Variants in PCDHA12 observed in about 807,000 individuals in gnomAD.
PCDHA12 encodes the protein protocadherin alpha-12.
Under a neutral mutation model 60.0 loss-of-function variants are expected in PCDHA12, and 44 were observed. That is an observed-to-expected ratio of 0.73 (90% CI 0.58 to 0.94). The LOEUF is 0.94. PCDHA12 is among the 40% of genes least tolerant of loss of function. The pLI, the probability that PCDHA12 is intolerant of heterozygous loss-of-function variation, is 0.00. For missense variants in PCDHA12, 1,276 were observed against 1,239.7 expected (o/e 1.03, Z -0.44); for synonymous variants, 569 against 553.0 (o/e 1.03, Z -0.40).
intron 1 of PCDHA12, among the ~76,000 whole-genome samples, chr5:140,955,006 C>G (rs1304080416): frequency 6.6e-6 from 1 of 152,154 alleles, no homozygotes; most frequent in African/African-American, 2.4e-5. Flanking sequence ...AGCCAATTCT[C>G]CCAGCACCAT....
intron 1 of PCDHA12, among the ~76,000 whole-genome samples, chr5:140,917,333 G>C (rs1301739777): frequency 6.7e-5 from 10 of 148,748 alleles, no homozygotes; most frequent in East Asian, 2.0e-4. Flanking sequence ...GCGGGGGAGG[G>C]GGGGGATGGT....
chr5:140,903,840 T>C (rs2070655374), intron 1 of PCDHA12, among the ~76,000 whole-genome samples: 1 of 152,196 alleles, frequency 6.6e-6, no homozygotes, highest in African/African-American at 2.4e-5. Flanking sequence ...GGTATTTTCA[T>C]TTATCTTAAC....
At chr5:140,946,610 A>AT (rs2093970425) in intron 1 of PCDHA12, among the ~76,000 whole-genome samples, 1 of 119,932 alleles carries the variant, frequency 8.3e-6, no homozygotes, top group African/African-American at 3.4e-5. Flanking sequence ...AGAAAATGTG[A>AT]AATATATATA....
intron 1 of PCDHA12, among the ~76,000 whole-genome samples, chr5:140,911,201 C>G: frequency 6.6e-6 from 1 of 152,110 alleles, no homozygotes; most frequent in Non-Finnish European, 1.5e-5. Context: ...GACATGTTGC[C>G]ACTACTGGGG....
intron 3 of PCDHA12, among the ~76,000 whole-genome samples, chr5:140,993,652 T>C (rs1174007185): frequency 6.6e-6 from 1 of 152,172 alleles, no homozygotes; most frequent in Admixed American, 6.5e-5. Flanking sequence ...AATGACACTT[T>C]GGTTAACAAT....
At chr5:140,951,523 G>A (rs868992487) in intron 1 of PCDHA12, among the ~76,000 whole-genome samples, 1 of 151,994 alleles carries the variant, frequency 6.6e-6, no homozygotes, top group Non-Finnish European at 1.5e-5. Context: ...ATCTTACATG[G>A]CCGGTGCAGG....
At chr5:140,941,319 CTTT>C (rs70988781) in intron 1 of PCDHA12, among the ~76,000 whole-genome samples, 1 of 104,392 alleles carries the variant, frequency 9.6e-6, no homozygotes. Flanking sequence ...TCTTCTTTCT[CTTT>C]TTTTTTTTTT....
intron 1 of PCDHA12, chr5:140,884,248 G>A: frequency 1.2e-6 from 2 of 1,613,458 alleles, no homozygotes; most frequent in Non-Finnish European, 1.7e-6. Flanking sequence ...CCGCGCTGAC[G>A]GCCACGGCAA....
chr5:140,923,139 A>G (rs1213586565), intron 1 of PCDHA12, among the ~76,000 whole-genome samples: 3 of 152,188 alleles, frequency 2.0e-5, no homozygotes, highest in Non-Finnish European at 2.9e-5. Context: ...TGAAGGTGGA[A>G]TATAAAAAAA....
intron 1 of PCDHA12, chr5:140,928,243 G>A: frequency 6.2e-7 from 1 of 1,614,202 alleles, no homozygotes; most frequent in South Asian, 1.1e-5. Flanking sequence ...ACCCCAGCAG[G>A]AACTTTTCGT....
At chr5:140,919,176 C>A (rs2079027921) in intron 1 of PCDHA12, among the ~76,000 whole-genome samples, 2 of 152,184 alleles carry the variant, frequency 1.3e-5, no homozygotes, top group Non-Finnish European at 1.5e-5. Flanking sequence ...GTTGCTATAT[C>A]TTCCTGATTG....
intron 1 of PCDHA12, among the ~76,000 whole-genome samples, chr5:140,901,492 C>T (rs548353886): frequency 1.3e-5 from 2 of 152,234 alleles, no homozygotes; most frequent in South Asian, 2.1e-4. Flanking sequence ...GCACCTTCAT[C>T]GAAAATGAGT....
intron 1 of PCDHA12, among the ~76,000 whole-genome samples, chr5:140,898,404 A>G (rs1170692741): frequency 1.3e-5 from 2 of 152,242 alleles, no homozygotes; most frequent in Non-Finnish European, 2.9e-5. Flanking sequence ...AGCTTTCTAC[A>G]TACGGCTAGC....
At chr5:140,957,191 T>C (rs1302296413) in intron 1 of PCDHA12, among the ~76,000 whole-genome samples, 1 of 152,150 alleles carries the variant, frequency 6.6e-6, no homozygotes, top group Non-Finnish European at 1.5e-5. Flanking sequence ...TGATGACCGA[T>C]TGGGAATATA....
chr5:140,965,708 A>T (rs2095927788), intron 1 of PCDHA12, among the ~76,000 whole-genome samples: 1 of 152,244 alleles, frequency 6.6e-6, no homozygotes, highest in African/African-American at 2.4e-5. Context: ...AGCTTGAGAG[A>T]AGAATCTCTT....
chr5:140,993,177 C>A lies in PCDHA12; in HGVS notation c.2515+10614C>A, dbSNP rs551395516. ...CTAAATATTTGCCTTTGGGAAATTTCTTTAGAGGGAAACTCACTAAAGCTA... is the reference window on the plus strand; with the variant it reads ...CTAAATATTTGCCTTTGGGAAATTTATTTAGAGGGAAACTCACTAAAGCTA... On this transcript the variant is annotated intron_variant, in intron 3 of 3. Transcript: ENST00000398631. 6.6e-5 allele frequency among the ~76,000 whole-genome samples: 10 copies of A among 152,258 alleles called. No homozygotes were observed. In the East Asian group the frequency reaches 1.9e-3, roughly 29 times the overall value.
intron 3 of PCDHA12, among the ~76,000 whole-genome samples, chr5:140,986,748 A>G (rs2097211627): frequency 6.6e-6 from 1 of 152,220 alleles, no homozygotes; most frequent in Non-Finnish European, 1.5e-5. Flanking sequence ...GGGATCTGGG[A>G]CTAAACAGTG....
chr5:140,971,468 A>C (rs938390548), intron 1 of PCDHA12, among the ~76,000 whole-genome samples: 7 of 152,174 alleles, frequency 4.6e-5, no homozygotes, highest in African/African-American at 7.2e-5. Context: ...AGTTATAGGG[A>C]GAGAGTGTCA....
At chr5:140,908,727 G>A (rs1388044565) in intron 1 of PCDHA12, among the ~76,000 whole-genome samples, 1 of 152,136 alleles carries the variant, frequency 6.6e-6, no homozygotes, top group Non-Finnish European at 1.5e-5. Context: ...GGGTCATATG[G>A]CTCGAGAAAC....
Sources: gnomAD v4.1 joint callset for allele counts (sites outside exome capture counted in the v4.1 genomes callset) on GRCh38, gnomAD v4.1.1 for gene constraint, MANE v1.5 for transcripts, NCBI Gene and HGNC (gene_info 2026-07-23, HGNC 2026-07-21) for gene names.